Variants in PCSK6 observed in about 807,000 individuals in gnomAD.
PCSK6 encodes paired basic amino acid cleaving enzyme 4.
A neutral mutation model predicts 123.3 loss-of-function variants in PCSK6; 85 were observed. The ratio of observed to expected loss-of-function variants is 0.69; its 90% CI spans 0.58 to 0.83. The LOEUF (loss-of-function observed/expected upper bound fraction) is 0.83, where lower values mean the gene tolerates loss of function less well. Ranked by LOEUF, PCSK6 falls within the 40% of genes least tolerant of loss-of-function variation. PCSK6 has a pLI of 0.00. For synonymous variants in PCSK6, 508 were observed against 516.0 expected (o/e 0.98, Z 0.21); for missense variants, 1,191 against 1,282.3 (o/e 0.93, Z 1.09).
chr15:101,424,202 T>A (rs1244267349), intron 6 of PCSK6, among the ~76,000 whole-genome samples: 2 of 149,206 alleles, frequency 1.3e-5, no homozygotes, highest in African/African-American at 2.5e-5. Flanking sequence ...GCCACTGCAC[T>A]CCAACCTGGG....
At chr15:101,330,744 A>C (rs931316009) in intron 15 of PCSK6, among the ~76,000 whole-genome samples, 1 of 152,256 alleles carries the variant, frequency 6.6e-6, no homozygotes, top group Non-Finnish European at 1.5e-5. Context: ...GCAGATTTTA[A>C]GAAAAAAATC....
intron 1 of PCSK6, among the ~76,000 whole-genome samples, chr15:101,457,177 T>C (rs1437836279): frequency 1.3e-5 from 2 of 151,672 alleles, no homozygotes; most frequent in Non-Finnish European, 2.9e-5. Context: ...ATCTCAAAAA[T>C]AAATAAATAA....
intron 20 of PCSK6, among the ~76,000 whole-genome samples, chr15:101,309,648 G>T (rs1473493417): frequency 2.0e-5 from 3 of 152,244 alleles, no homozygotes; most frequent in Non-Finnish European, 4.4e-5. Flanking sequence ...TTGGCAGAAG[G>T]CGTGCCCCTT....
chr15:101,379,391 G>A (rs1381831758), intron 11 of PCSK6, among the ~76,000 whole-genome samples: 1 of 152,210 alleles, frequency 6.6e-6, no homozygotes, highest in Non-Finnish European at 1.5e-5. Flanking sequence ...GGACTCCCGT[G>A]CTTAACATCC....
At chr15:101,405,454 G>A (rs1318354770) in intron 6 of PCSK6, among the ~76,000 whole-genome samples, 8 of 152,142 alleles carry the variant, frequency 5.3e-5, no homozygotes, top group Admixed American at 3.9e-4. Context: ...TTGCTTTGGA[G>A]AACCTGGTGC....
At chr15:101,313,676 A>AGGAGGT in intron 19 of PCSK6, 171 bp from the exon 20 acceptor site, 1 of 902,814 alleles carries the variant, frequency 1.1e-6, no homozygotes. Context: ...ACCCACTCCC[A>AGGAGGT]GGAGGTGGGC....
intron 11 of PCSK6, among the ~76,000 whole-genome samples, chr15:101,375,900 G>A (rs1013734840): frequency 1.3e-5 from 2 of 152,110 alleles, no homozygotes; most frequent in African/African-American, 4.8e-5. Context: ...CAGGTGTGAT[G>A]GCATGTGCCT....
At chr15:101,346,840 AT>A (rs2040743677) in intron 13 of PCSK6, 1 of 1,231,518 alleles carries the variant, frequency 8.1e-7, no homozygotes, top group African/African-American at 1.6e-5. Context: ...CGACTAAACA[AT>A]ACTGTGATTC....
At chr15:101,378,985 C>A (rs2041831671) in intron 11 of PCSK6, among the ~76,000 whole-genome samples, 1 of 152,152 alleles carries the variant, frequency 6.6e-6, no homozygotes, top group Non-Finnish European at 1.5e-5. Flanking sequence ...GCCTTTGGGC[C>A]TGAGCATGAC....
chr15:101,330,908 G>A (rs576419165), intron 15 of PCSK6, among the ~76,000 whole-genome samples: 1 of 152,320 alleles, frequency 6.6e-6, no homozygotes, highest in South Asian at 2.1e-4. Flanking sequence ...CTTGATATGT[G>A]TTGGTGGAAT....
chr15:101,481,822 G>A (rs879712751), intron 1 of PCSK6, among the ~76,000 whole-genome samples: 10 of 152,244 alleles, frequency 6.6e-5, no homozygotes, highest in African/African-American at 2.2e-4. Context: ...TGACTGAAAT[G>A]TGAGTGACTC....
chr15:101,447,777 C>A (rs901434651), intron 1 of PCSK6, among the ~76,000 whole-genome samples: 1 of 152,276 alleles, frequency 6.6e-6, no homozygotes, highest in African/African-American at 2.4e-5. Flanking sequence ...GGTGTCCACA[C>A]CAGGCGCTGG....
At chr15:101,465,759 G>A (rs528325265) in intron 1 of PCSK6, among the ~76,000 whole-genome samples, 62 of 152,272 alleles carry the variant, frequency 4.1e-4, no homozygotes, top group Middle Eastern at 3.4e-3. Context: ...CTTCAAGGTG[G>A]ACTTAAATCA....
rs2039703443 is a variant in PCSK6, at chr15:101,305,524, A to G, written c.2813-169T>C. The G allele has an allele frequency of 3.5e-6, 2 of 574,344 alleles. No homozygotes were observed. The highest frequency in any genetic ancestry group is 6.2e-5 in the East Asian group (2 of 32,284). The allele number at this position is 574,344 out of a possible 1,614,324, so 35.6% of individuals were successfully genotyped here. A position where few individuals can be genotyped will look rare whatever the true frequency, so the allele number is the denominator to read the frequency against. On this transcript the variant is annotated intron_variant, in intron 21 of 21. Coordinates refer to ENST00000611716, the MANE Select transcript of PCSK6 (RefSeq NM_002570.5). The surrounding 1 kb of genome is among the most constrained non-coding windows in gnomAD (Gnocchi z 4.8). ...GGAGCTTGAGACCAGTCTAACCAAC[A>G]TGGTGAAACCCCGTCTCTACTAATA...
At chr15:101,421,714 A>T (rs902976846) in intron 6 of PCSK6, among the ~76,000 whole-genome samples, 5 of 152,220 alleles carry the variant, frequency 3.3e-5, no homozygotes, top group Admixed American at 6.5e-5. Flanking sequence ...ATCACAGCCA[A>T]CAGCTTGACT....
chr15:101,448,561 A>G (rs2056951809), intron 1 of PCSK6, among the ~76,000 whole-genome samples: 1 of 152,248 alleles, frequency 6.6e-6, no homozygotes, highest in Non-Finnish European at 1.5e-5. Flanking sequence ...CACATGCCCC[A>G]TTCCAGGCAG....
chr15:101,395,043 G>A (rs964831872), intron 7 of PCSK6, among the ~76,000 whole-genome samples: 60 of 152,294 alleles, frequency 3.9e-4, no homozygotes, highest in African/African-American at 1.4e-3. Context: ...GCTGAAGCCG[G>A]TTTAAAGCAA....
intron 1 of PCSK6, among the ~76,000 whole-genome samples, chr15:101,463,933 A>G (rs1279492421): frequency 6.6e-6 from 1 of 152,152 alleles, no homozygotes; most frequent in East Asian, 1.9e-4. Flanking sequence ...GAAGGCCCCC[A>G]TGGTAGCCCC....
intron 1 of PCSK6, 140 bp from the exon 2 acceptor site, chr15:101,443,800 A>C (rs2141153983): frequency 1.5e-6 from 1 of 667,098 alleles, no homozygotes; most frequent in Non-Finnish European, 2.7e-6. Flanking sequence ...CCTGCTCCTC[A>C]TATCTCTGGC....
Sources: allele counts gnomAD v4.1 joint callset (sites outside exome capture counted in the v4.1 genomes callset), GRCh38; gene constraint gnomAD v4.1.1; non-coding constraint Gnocchi (gnomAD v3.1); transcripts MANE v1.5; gene names NCBI Gene and HGNC (gene_info 2026-07-23, HGNC 2026-07-21).